Variants in NRG3 observed in about 807,000 individuals in gnomAD.
NRG3 encodes the protein pro-neuregulin-3, membrane-bound isoform.
A neutral mutation model predicts 66.9 loss-of-function variants in NRG3; 31 were observed. The ratio of observed to expected loss-of-function variants is 0.46; its 90% CI spans 0.35 to 0.63. The LOEUF (loss-of-function observed/expected upper bound fraction) is 0.63, where lower values mean the gene tolerates loss of function less well. Ranked by LOEUF, NRG3 falls within the 20% of genes least tolerant of loss-of-function variation. The pLI is 0.00. For missense variants in NRG3, 910 were observed against 878.9 expected (o/e 1.04, Z -0.45); for synonymous variants, 393 against 359.4 (o/e 1.09, Z -1.06).
chr10:82,340,600 C>A (rs2082636265), intron 1 of NRG3, among the ~76,000 whole-genome samples: 1 of 152,068 alleles, frequency 6.6e-6, no homozygotes, highest in South Asian at 2.1e-4. Flanking sequence ...AGAATCAAGT[C>A]AATGTTTAGA....
intron 1 of NRG3, among the ~76,000 whole-genome samples, chr10:82,111,692 A>C (rs75615621): frequency 6.6e-6 from 1 of 152,174 alleles, no homozygotes; most frequent in East Asian, 1.9e-4. Context: ...TATTAAATAT[A>C]TAATGAGGGT....
At chr10:82,149,331 T>G (rs1188374433) in intron 1 of NRG3, among the ~76,000 whole-genome samples, 1 of 152,198 alleles carries the variant, frequency 6.6e-6, no homozygotes, top group Non-Finnish European at 1.5e-5. Context: ...CTGATTATAT[T>G]GACAAAGTCA....
At chr10:82,389,218 A>G (rs1300757180) in intron 2 of NRG3, among the ~76,000 whole-genome samples, 2 of 152,222 alleles carry the variant, frequency 1.3e-5, no homozygotes, top group African/African-American at 4.8e-5. Context: ...GAGAGAATGC[A>G]AATCAGAATT....
At chr10:82,196,907 A>G (rs2074479902) in intron 1 of NRG3, among the ~76,000 whole-genome samples, 1 of 152,152 alleles carries the variant, frequency 6.6e-6, no homozygotes. Context: ...TCATATTTAG[A>G]TTTATTCCTG....
intron 3 of NRG3, among the ~76,000 whole-genome samples, chr10:82,863,259 A>G (rs2064234417): frequency 6.6e-6 from 1 of 152,184 alleles, no homozygotes; most frequent in South Asian, 2.1e-4. Context: ...CCAGTCTATC[A>G]TTGATGGATA....
At chr10:82,182,784 G>T (rs539727094) in intron 1 of NRG3, among the ~76,000 whole-genome samples, 2 of 151,828 alleles carry the variant, frequency 1.3e-5, no homozygotes, top group South Asian at 4.1e-4. Flanking sequence ...TCAATTTTTA[G>T]TACTCCATTA....
chr10:82,463,616 G>A (rs961410355), intron 2 of NRG3, among the ~76,000 whole-genome samples: 1 of 152,148 alleles, frequency 6.6e-6, no homozygotes, highest in African/African-American at 2.4e-5. Context: ...ATTAACTGAT[G>A]GCCTCCTCTG....
At chr10:82,934,746 T>C (rs1005031815) in intron 4 of NRG3, among the ~76,000 whole-genome samples, 1 of 152,226 alleles carries the variant, frequency 6.6e-6, no homozygotes, top group East Asian at 1.9e-4. Flanking sequence ...TAACTCCTCC[T>C]GCCCTCTGTT....
At chr10:81,930,528 A>G (rs1306595225) in intron 1 of NRG3, among the ~76,000 whole-genome samples, 1 of 151,986 alleles carries the variant, frequency 6.6e-6, no homozygotes, top group Non-Finnish European at 1.5e-5. Flanking sequence ...AAAAAAGAAA[A>G]AGGAAACAAA....
intron 2 of NRG3, among the ~76,000 whole-genome samples, chr10:82,631,945 T>C (rs1319236333): frequency 2.0e-5 from 3 of 151,878 alleles, no homozygotes; most frequent in Non-Finnish European, 4.4e-5. Context: ...CTACCAAAAA[T>C]ACAAAAATTA....
intron 3 of NRG3, among the ~76,000 whole-genome samples, chr10:82,744,309 G>T (rs2058552732): frequency 6.6e-6 from 1 of 152,148 alleles, no homozygotes; most frequent in African/African-American, 2.4e-5. Flanking sequence ...ATAAACAACA[G>T]AAATTTATTT....
intron 3 of NRG3, among the ~76,000 whole-genome samples, chr10:82,760,950 A>G (rs2059280373): frequency 6.6e-6 from 1 of 151,922 alleles, no homozygotes; most frequent in African/African-American, 2.4e-5. Context: ...CAAATGTTAT[A>G]TAACGTAGAC....
At chr10:82,057,960 C>A (rs2063934701) in intron 1 of NRG3, among the ~76,000 whole-genome samples, 1 of 95,602 alleles carries the variant, frequency 1.0e-5, no homozygotes, top group East Asian at 2.7e-4. Flanking sequence ...TGGATTCTCT[C>A]TTTCTTTCCT....
At chr10:82,671,078 C>G (rs891720932) in intron 2 of NRG3, among the ~76,000 whole-genome samples, 2 of 152,158 alleles carry the variant, frequency 1.3e-5, no homozygotes, top group African/African-American at 4.8e-5. Context: ...GGGACCCTAG[C>G]CTGCATCCAC....
chr10:82,557,507 C>T (rs1239886859), intron 2 of NRG3, among the ~76,000 whole-genome samples: 1 of 151,604 alleles, frequency 6.6e-6, no homozygotes, highest in Non-Finnish European at 1.5e-5. Flanking sequence ...TGTTGAAGTT[C>T]CTTATAAATG....
chr10:82,095,924 T>C (rs1416178658), intron 1 of NRG3, among the ~76,000 whole-genome samples: 2 of 152,126 alleles, frequency 1.3e-5, no homozygotes, highest in Non-Finnish European at 2.9e-5. Context: ...GCCTTCAAAA[T>C]GTAGCTGGTA....
intron 2 of NRG3, among the ~76,000 whole-genome samples, chr10:82,427,435 T>C (rs2089520736): frequency 6.6e-6 from 1 of 152,160 alleles, no homozygotes. Context: ...TCATGGAGAT[T>C]ATAAGTTATT....
intron 1 of NRG3, among the ~76,000 whole-genome samples, chr10:82,159,065 A>G (rs1314730526): frequency 6.6e-6 from 1 of 151,934 alleles, no homozygotes; most frequent in African/African-American, 2.4e-5. Context: ...AAGACAAACA[A>G]AAAATTAAAA....
At chr10:81,974,194 G>T (rs866967933) in intron 1 of NRG3, among the ~76,000 whole-genome samples, 24 of 152,016 alleles carry the variant, frequency 1.6e-4, no homozygotes, top group African/African-American at 5.8e-4. Context: ...TTTTTGTCAG[G>T]TTTATTGAAG....
Sources: allele counts gnomAD v4.1 joint callset (sites outside exome capture counted in the v4.1 genomes callset), GRCh38; gene constraint gnomAD v4.1.1; transcripts MANE v1.5; gene names NCBI Gene and HGNC (gene_info 2026-07-23, HGNC 2026-07-21).